FRMD3: variants seen among roughly 807,000 people sequenced by gnomAD.
FRMD3 encodes the protein FERM domain containing 3, also known as FERM domain-containing protein 3.
In FRMD3, 33 loss-of-function variants were observed where a neutral mutation model predicts 70.2. The observed-to-expected ratio is 0.47, with a 90% confidence interval of 0.36 to 0.63. The LOEUF (loss-of-function observed/expected upper bound fraction) is 0.63, where lower values mean the gene tolerates loss of function less well. Ranked by LOEUF, FRMD3 falls within the 20% of genes least tolerant of loss-of-function variation. The pLI is 0.00. For missense variants in FRMD3, 632 were observed against 711.4 expected (o/e 0.89, Z 1.27); for synonymous variants, 279 against 255.9 (o/e 1.09, Z -0.86).
intron 6 of FRMD3, among the ~76,000 whole-genome samples, chr9:83,329,183 G>T (rs567770262): frequency 1.3e-5 from 2 of 152,060 alleles, no homozygotes; most frequent in South Asian, 4.2e-4. Context: ...TACAGTGAAC[G>T]CATTTGATCC....
At chr9:83,418,580 C>T (rs1014228005) in intron 1 of FRMD3, among the ~76,000 whole-genome samples, 1 of 152,040 alleles carries the variant, frequency 6.6e-6, no homozygotes, top group African/African-American at 2.4e-5. Context: ...AATCAGATAC[C>T]ACTACCTTAC....
chr9:83,494,472 G>A (rs912048249), intron 1 of FRMD3, among the ~76,000 whole-genome samples: 3 of 152,046 alleles, frequency 2.0e-5, no homozygotes, highest in African/African-American at 7.2e-5. Context: ...TCCCCCACTG[G>A]CCCCCTGCCA....
chr9:83,386,635 G>C (rs1258756871), intron 2 of FRMD3, among the ~76,000 whole-genome samples: 1 of 152,134 alleles, frequency 6.6e-6, no homozygotes, highest in Non-Finnish European at 1.5e-5. Flanking sequence ...CTATCAAAAT[G>C]AGAAGCCAAT....
intron 1 of FRMD3, among the ~76,000 whole-genome samples, chr9:83,480,324 G>T (rs1828537317): frequency 6.6e-6 from 1 of 152,066 alleles, no homozygotes; most frequent in South Asian, 2.1e-4. Context: ...TGTACAGTCA[G>T]CCCTCCATAT....
At chr9:83,268,271 T>C (rs890419499) in intron 13 of FRMD3, among the ~76,000 whole-genome samples, 18 of 152,368 alleles carry the variant, frequency 1.2e-4, no homozygotes, top group African/African-American at 4.1e-4. Flanking sequence ...AGAGCAGGAA[T>C]TGAAATTCCA....
At chr9:83,463,138 G>A (rs1828022940) in intron 1 of FRMD3, among the ~76,000 whole-genome samples, 1 of 152,180 alleles carries the variant, frequency 6.6e-6, no homozygotes, top group Admixed American at 6.5e-5. Context: ...GGGACTCAGA[G>A]CCAATCAGCA....
intron 1 of FRMD3, among the ~76,000 whole-genome samples, chr9:83,446,109 C>G (rs550749143): frequency 2.0e-4 from 30 of 152,308 alleles, no homozygotes; most frequent in African/African-American, 6.0e-4. Context: ...AAACACAGAT[C>G]CCTTCCATTA....
chr9:83,427,952 A>G (rs1383820010), intron 1 of FRMD3, among the ~76,000 whole-genome samples: 1 of 152,246 alleles, frequency 6.6e-6, no homozygotes, highest in Non-Finnish European at 1.5e-5. Flanking sequence ...TAACAGGAGC[A>G]TAAGTAAGCG....
At chr9:83,400,387 A>G (rs567452546) in intron 1 of FRMD3, among the ~76,000 whole-genome samples, 4 of 152,358 alleles carry the variant, frequency 2.6e-5, no homozygotes, top group African/African-American at 9.6e-5. Flanking sequence ...TTTGGATGAA[A>G]GAAATAAAAG....
chr9:83,335,404 G>T, intron 6 of FRMD3, 112 bp downstream of exon 6: 1 of 1,148,812 alleles, frequency 8.7e-7, no homozygotes, highest in Non-Finnish European at 1.2e-6. Context: ...ACGCAAAACA[G>T]CCTATCCATA....
intron 1 of FRMD3, among the ~76,000 whole-genome samples, chr9:83,417,392 TTTTG>T (rs1280465116): frequency 2.6e-5 from 4 of 152,228 alleles, no homozygotes; most frequent in African/African-American, 2.4e-5. Context: ...GTGTGTTATT[TTTTG>T]TTTATTTGCT....
chr9:83,525,931 T>C (rs935822394), intron 1 of FRMD3, among the ~76,000 whole-genome samples: 1 of 152,230 alleles, frequency 6.6e-6, no homozygotes, highest in Non-Finnish European at 1.5e-5. Flanking sequence ...ATGGAAGTTT[T>C]ATTCATACCA....
chr9:83,444,843 T>C (rs1184139791), intron 1 of FRMD3, among the ~76,000 whole-genome samples: 2 of 152,212 alleles, frequency 1.3e-5, no homozygotes, highest in East Asian at 3.9e-4. Context: ...ATTTTCTCTC[T>C]CATGGATAAA....
At chr9:83,403,295 T>C (rs919406492) in intron 1 of FRMD3, among the ~76,000 whole-genome samples, 1 of 152,020 alleles carries the variant, frequency 6.6e-6, no homozygotes, top group Non-Finnish European at 1.5e-5. Flanking sequence ...ACTTCCCTAA[T>C]GGTAGCATTT....
chr9:83,548,493 T>G, the FRMD3 span, among the ~76,000 whole-genome samples: 1 of 152,284 alleles, frequency 6.6e-6, no homozygotes, highest in South Asian at 2.1e-4. Context: ...CAGAATGTAT[T>G]ATTCCAACTG....
chr9:83,274,826 A>G (rs1437913621), intron 13 of FRMD3, among the ~76,000 whole-genome samples: 2 of 152,202 alleles, frequency 1.3e-5, no homozygotes, highest in Non-Finnish European at 2.9e-5. Flanking sequence ...TCAATAAGAA[A>G]GATGTTGCAA....
At chr9:83,344,610 T>C (rs1238094339) in intron 4 of FRMD3, among the ~76,000 whole-genome samples, 3 of 152,168 alleles carry the variant, frequency 2.0e-5, no homozygotes, top group Admixed American at 6.5e-5. Flanking sequence ...CTATCCTCAG[T>C]GTTCCTGGTT....
intron 1 of FRMD3, among the ~76,000 whole-genome samples, chr9:83,489,353 T>G (rs190865645): frequency 6.6e-6 from 1 of 152,102 alleles, no homozygotes; most frequent in South Asian, 2.1e-4. Context: ...TCTCAAACTA[T>G]GCATCTGACA....
chr9:83,438,900 C>G (rs56187856), intron 1 of FRMD3, among the ~76,000 whole-genome samples: 3,886 of 152,290 alleles, frequency 0.026, 75 homozygotes, highest in Non-Finnish European at 0.04. Flanking sequence ...CTTCCTCCCA[C>G]AAAACAAATG....
Sources: gnomAD v4.1 joint callset for allele counts (sites outside exome capture counted in the v4.1 genomes callset) on GRCh38, gnomAD v4.1.1 for gene constraint, MANE v1.5 for transcripts, NCBI Gene and HGNC (gene_info 2026-07-23, HGNC 2026-07-21) for gene names.